The following SUPT3H variants were observed in gnomAD, a reference collection of about 807,000 sequenced individuals.
SUPT3H encodes the protein transcription initiation protein SPT3 homolog.
A neutral mutation model predicts 44.3 loss-of-function variants in SUPT3H; 44 were observed. The observed-to-expected ratio is 0.99, with a 90% CI of 0.78 to 1.28. The LOEUF (loss-of-function observed/expected upper bound fraction) is 1.28, where lower values mean the gene tolerates loss of function less well. SUPT3H is among the 50% of genes most tolerant of loss of function. The probability of loss-of-function intolerance (pLI) is 0.00; values close to 1 mark genes in which losing one functional copy is unlikely to be tolerated. For missense variants in SUPT3H, 380 were observed against 387.1 expected (o/e 0.98, Z 0.15); for synonymous variants, 124 against 125.6 (o/e 0.99, Z 0.09).
intron 2 of SUPT3H, among the ~76,000 whole-genome samples, chr6:45,325,005 G>T (rs116747404): frequency 6.6e-6 from 1 of 151,598 alleles, no homozygotes; most frequent in Non-Finnish European, 1.5e-5. Context: ...AATAGATCCC[G>T]TGTAAGCTTA....
chr6:44,991,723 G>A lies in SUPT3H; in HGVS notation c.504+11930C>T, dbSNP rs16873015. 5.5e-3 allele frequency among the ~76,000 whole-genome samples: 829 copies of A among 152,034 alleles called. 12 individuals are homozygous for A. Among genetic ancestry groups the A allele is most frequent in the African/African-American group, 0.019 (798 of 41,506 alleles). ...ATTTGCACATTTTCTATAAAGTAGT[G>A]GCAACAATAAGAATTAAACTAAAGG... On this transcript the variant is annotated intron_variant, in intron 6 of 10. Transcript: ENST00000371459.
chr6:45,041,592 C>T (rs954160239), intron 3 of SUPT3H, among the ~76,000 whole-genome samples: 2 of 152,122 alleles, frequency 1.3e-5, no homozygotes, highest in Non-Finnish European at 2.9e-5. Flanking sequence ...ATAATAAATG[C>T]CAAATTTTCC....
rs940820935 is a variant in SUPT3H, at chr6:44,927,721, A to G, written c.912+4932T>C. Among the ~76,000 whole-genome samples the G allele has an allele frequency of 2.0e-5, 3 of 152,366 alleles. No homozygotes were observed. In the East Asian group the frequency reaches 5.8e-4, roughly 29 times the overall value. ...GCCGTTATTAATCCAAAGAGTAAAA[A>G]TGAATATTTTCAGGAACAATAATTT... On this transcript the variant is annotated intron_variant, in intron 10 of 10. Transcript: ENST00000371459.
At chr6:44,814,570 T>A (rs1430210918) in intron 11 of SUPT3H, among the ~76,000 whole-genome samples, 2 of 152,204 alleles carry the variant, frequency 1.3e-5, no homozygotes, top group African/African-American at 2.4e-5. Context: ...TAAGTCTTAA[T>A]AAACTCATCT....
intron 10 of SUPT3H, among the ~76,000 whole-genome samples, chr6:44,867,076 A>G (rs1332318072): frequency 6.6e-6 from 1 of 152,210 alleles, no homozygotes; most frequent in East Asian, 1.9e-4. Context: ...AACAGCCACT[A>G]TGATTACTGA....
At chr6:45,064,265 A>AT (rs1792804864) in intron 3 of SUPT3H, among the ~76,000 whole-genome samples, 1 of 146,672 alleles carries the variant, frequency 6.8e-6, no homozygotes, top group Non-Finnish European at 1.5e-5. Flanking sequence ...ATGCTGAGAG[A>AT]TTTTGTCACC....
At chr6:45,285,911 G>T (rs1447071596) in intron 2 of SUPT3H, among the ~76,000 whole-genome samples, 1 of 151,750 alleles carries the variant, frequency 6.6e-6, no homozygotes, top group Non-Finnish European at 1.5e-5. Context: ...TAGACCAATG[G>T]AAAAGAACAG....
chr6:44,875,233 A>G (rs1410674908), intron 10 of SUPT3H, among the ~76,000 whole-genome samples: 7 of 49,882 alleles, frequency 1.4e-4, no homozygotes, highest in East Asian at 5.5e-4. Context: ...GAGGCATCAC[A>G]CTACCTGACT....
chr6:45,323,783 T>TAGGAC (rs1785913388), intron 2 of SUPT3H, among the ~76,000 whole-genome samples: 1 of 152,098 alleles, frequency 6.6e-6, no homozygotes, highest in South Asian at 2.1e-4. Context: ...ATTCTCATTA[T>TAGGAC]AGGACAGTTT....
intron 10 of SUPT3H, among the ~76,000 whole-genome samples, chr6:44,900,765 C>T (rs907297196): frequency 5.3e-5 from 8 of 152,196 alleles, no homozygotes; most frequent in Non-Finnish European, 1.0e-4. Flanking sequence ...AACTGGGAGG[C>T]ACCCCCTAGC....
At chr6:45,366,825 G>T (rs546119667) in intron 1 of SUPT3H, among the ~76,000 whole-genome samples, 1 of 152,218 alleles carries the variant, frequency 6.6e-6, no homozygotes, top group African/African-American at 2.4e-5. Context: ...CTTTCTGTAT[G>T]TTCTCAGACC....
intron 2 of SUPT3H, among the ~76,000 whole-genome samples, chr6:45,134,054 A>G (rs1348903714): frequency 1.3e-5 from 2 of 152,208 alleles, no homozygotes; most frequent in Admixed American, 6.5e-5. Context: ...CTATAAAAGA[A>G]TATCTGAGAA....
Position 44,837,962 on chromosome 6 carries a change from C to G in SUPT3H, c.913-8105G>C, listed in dbSNP as rs569855610. 4.6e-5 allele frequency among the ~76,000 whole-genome samples: 7 copies of G among 152,250 alleles called. No homozygotes were observed. The East Asian group carries it at 1.4e-3, about 29-fold the overall frequency. ...TGGCCTTCCCCCGCCTTCTCAATGG[C>G]CTTTGCCACATTAAAACACCATACA... On this transcript the variant is annotated intron_variant, in intron 10 of 10. Transcript: ENST00000371459.
intron 2 of SUPT3H, among the ~76,000 whole-genome samples, chr6:45,303,018 A>T (rs1376057817): frequency 6.6e-6 from 1 of 152,196 alleles, no homozygotes; most frequent in Non-Finnish European, 1.5e-5. Flanking sequence ...TAAAGCGGGG[A>T]AAGGATACCC....
chr6:45,230,684 A>ATATATATG (rs1554294700), intron 2 of SUPT3H, among the ~76,000 whole-genome samples: 13 of 101,082 alleles, frequency 1.3e-4, no homozygotes, highest in African/African-American at 5.2e-4. Flanking sequence ...ATATATATAT[A>ATATATATG]TATTTTTGAG....
At chr6:44,926,196 C>G (rs1305386421) in intron 10 of SUPT3H, among the ~76,000 whole-genome samples, 1 of 151,918 alleles carries the variant, frequency 6.6e-6, no homozygotes, top group African/African-American at 2.4e-5. Flanking sequence ...TATAGAAACT[C>G]TCATTCCATA....
intron 7 of SUPT3H, among the ~76,000 whole-genome samples, chr6:44,959,092 G>A (rs1775647682): frequency 1.3e-5 from 2 of 152,000 alleles, no homozygotes; most frequent in Non-Finnish European, 2.9e-5. Flanking sequence ...GTTTCACCAT[G>A]TTGGTCAGGC....
intron 2 of SUPT3H, among the ~76,000 whole-genome samples, chr6:45,305,321 G>A (rs537719781): frequency 2.2e-4 from 34 of 152,076 alleles, no homozygotes; most frequent in African/African-American, 7.7e-4. Context: ...TATTGCTTCC[G>A]CTATACCTAC....
intron 9 of SUPT3H, among the ~76,000 whole-genome samples, chr6:44,944,373 G>A (rs1294210761): frequency 1.3e-5 from 2 of 151,944 alleles, no homozygotes; most frequent in Non-Finnish European, 2.9e-5. Flanking sequence ...CAGTAAGAGA[G>A]GAAATAAGCA....
Sources: allele counts gnomAD v4.1 joint callset (sites outside exome capture counted in the v4.1 genomes callset), GRCh38; gene constraint gnomAD v4.1.1; transcripts MANE v1.5; gene names NCBI Gene and HGNC (gene_info 2026-07-23, HGNC 2026-07-21).